CNTN1: variants seen among roughly 807,000 people sequenced by gnomAD.
CNTN1 encodes contactin-1.
In CNTN1, 38 loss-of-function variants were observed where a neutral mutation model predicts 126.4. That is an observed-to-expected ratio of 0.30 (90% CI 0.23 to 0.39). The LOEUF (loss-of-function observed/expected upper bound fraction) is 0.39, where lower values mean the gene tolerates loss of function less well. CNTN1 is among the 10% of genes least tolerant of loss of function. CNTN1 has a pLI of 1.00. For synonymous variants in CNTN1, 413 were observed against 422.6 expected, an observed-to-expected ratio of 0.98 and a Z score of 0.28; for missense variants, 1,009 against 1,248.4, an observed-to-expected ratio of 0.81 and a Z score of 2.89.
At chr12:40,851,481 G>A (rs1223357945) in intron 1 of CNTN1, among the ~76,000 whole-genome samples, 2 of 152,212 alleles carry the variant, frequency 1.3e-5, no homozygotes, top group Non-Finnish European at 2.9e-5. Context: ...TTGAGACTCT[G>A]CTGGGACATC....
chr12:40,741,155 T>A (rs572901105), intron 1 of CNTN1, among the ~76,000 whole-genome samples: 1 of 152,214 alleles, frequency 6.6e-6, no homozygotes, highest in East Asian at 1.9e-4. Context: ...ATTGCATACA[T>A]GCCCAAACAA....
chr12:40,987,860 T>A (rs563585297), intron 16 of CNTN1, among the ~76,000 whole-genome samples: 13 of 152,126 alleles, frequency 8.5e-5, no homozygotes, highest in Non-Finnish European at 1.5e-4. Flanking sequence ...GTATCTCTTC[T>A]GCCATATCTT....
chr12:40,891,802 T>C (rs561169140), intron 1 of CNTN1, among the ~76,000 whole-genome samples: 2 of 152,238 alleles, frequency 1.3e-5, no homozygotes, highest in African/African-American at 4.8e-5. Context: ...ATAGTCTTTA[T>C]GGCTTTAAGT....
At chr12:40,860,550 C>T (rs1943080222) in intron 1 of CNTN1, among the ~76,000 whole-genome samples, 1 of 152,074 alleles carries the variant, frequency 6.6e-6, no homozygotes, top group South Asian at 2.1e-4. Flanking sequence ...CGACATCTTA[C>T]ACAGGTTTAA....
intron 1 of CNTN1, among the ~76,000 whole-genome samples, chr12:40,812,943 ATTT>A (rs36133223): frequency 0.01 from 1,364 of 131,676 alleles, 20 homozygotes; most frequent in African/African-American, 0.036. Flanking sequence ...CAGTTTGTTA[ATTT>A]TTTTTTTTTT....
At chr12:41,055,589 C>A (rs1949786072) in intron 23 of CNTN1, among the ~76,000 whole-genome samples, 1 of 152,006 alleles carries the variant, frequency 6.6e-6, no homozygotes, top group Admixed American at 6.6e-5. Context: ...ATTTCTGCAC[C>A]CAGTACTGAC....
At chr12:40,803,053 T>C (rs1467051016) in intron 1 of CNTN1, among the ~76,000 whole-genome samples, 2 of 152,028 alleles carry the variant, frequency 1.3e-5, no homozygotes, top group African/African-American at 2.4e-5. Flanking sequence ...TTGAAAGCTC[T>C]GCTGTTATCT....
intron 1 of CNTN1, among the ~76,000 whole-genome samples, chr12:40,888,805 G>A (rs1169999757): frequency 1.3e-5 from 2 of 152,196 alleles, no homozygotes. Context: ...TAACAAGCTG[G>A]GTGGCTTTCC....
chr12:41,061,162 C>G (rs964811209), intron 23 of CNTN1, among the ~76,000 whole-genome samples: 1 of 152,136 alleles, frequency 6.6e-6, no homozygotes, highest in Non-Finnish European at 1.5e-5. Flanking sequence ...TTTTAAAAGT[C>G]CTCATAATTA....
At chr12:40,840,611 A>AT (rs1942239080) in intron 1 of CNTN1, among the ~76,000 whole-genome samples, 1 of 147,178 alleles carries the variant, frequency 6.8e-6, no homozygotes. Flanking sequence ...AAGTCTCATC[A>AT]ATTTTTTTTA....
chr12:40,747,988 T>A (rs1320546173), intron 1 of CNTN1, among the ~76,000 whole-genome samples: 1 of 152,102 alleles, frequency 6.6e-6, no homozygotes, highest in Non-Finnish European at 1.5e-5. Context: ...ACCCACATTG[T>A]GGAGGGCATA....
At chr12:40,714,620 G>A (rs926592191) in intron 1 of CNTN1, among the ~76,000 whole-genome samples, 1 of 152,056 alleles carries the variant, frequency 6.6e-6, no homozygotes, top group Admixed American at 6.6e-5. Context: ...TGATTACCTT[G>A]TAAGATGTCA....
intron 12 of CNTN1, among the ~76,000 whole-genome samples, chr12:40,942,216 C>T (rs1471527304): frequency 6.6e-6 from 1 of 151,988 alleles, no homozygotes. Flanking sequence ...AATATTGGTA[C>T]TGTGTTAATA....
At position 41,021,635 on chromosome 12, in the gene CNTN1, C is replaced by CTT. The variant is rs34166721; in HGVS notation, c.2523+1211_2523+1212dup. ...CAGACACACCCAGACCAACAGGAAG[C>CTT]TTTTTTTTTTTTTTTTTGACACAAT... On this transcript the variant is annotated intron_variant, in intron 20 of 23. Transcript: ENST00000551295. Among the ~76,000 whole-genome samples the CTT allele has an allele frequency of 2.2e-3, 293 of 132,580 alleles. 4 individuals carry two copies. Among genetic ancestry groups the CTT allele is most frequent in the Admixed American group, 7.7e-3 (100 of 13,020 alleles). The allele number at this position is 132,580 out of a possible 152,430, so 87.0% of individuals were successfully genotyped here.
At chr12:40,769,937 C>A (rs777972878) in intron 1 of CNTN1, among the ~76,000 whole-genome samples, 3 of 151,926 alleles carry the variant, frequency 2.0e-5, no homozygotes, top group Non-Finnish European at 2.9e-5. Flanking sequence ...AAACGGGAAA[C>A]ATATGTAGAG....
At chr12:40,737,328 T>C (rs1408943721) in intron 1 of CNTN1, among the ~76,000 whole-genome samples, 1 of 124,016 alleles carries the variant, frequency 8.1e-6, no homozygotes, top group Non-Finnish European at 1.6e-5. Context: ...TACATGGGAG[T>C]GTGTGTGTGT....
chr12:40,965,800 A>T (rs191193099), intron 15 of CNTN1, among the ~76,000 whole-genome samples: 24 of 152,310 alleles, frequency 1.6e-4, no homozygotes, highest in African/African-American at 5.5e-4. Flanking sequence ...GAATCCTTAC[A>T]TTCAACATAT....
intron 19 of CNTN1, among the ~76,000 whole-genome samples, chr12:41,017,461 A>G (rs1464771454): frequency 6.6e-6 from 1 of 151,570 alleles, no homozygotes; most frequent in Non-Finnish European, 1.5e-5. Flanking sequence ...CTAACCTAAA[A>G]ATGTGTTTAA....
rs182140801 is a variant in CNTN1 at position 40,977,047 on chromosome 12, G to C, written c.1805-3862G>C. ...GAGGTCCTGACGACCTGTTCCCGAG[G>C]TTGCTGGGATACAGCTTGGTTTTAT... On this transcript the variant is annotated intron_variant, in intron 15 of 23. Transcript: ENST00000551295. Among the ~76,000 whole-genome samples the C allele has an allele frequency of 1.4e-3, 216 of 152,252 alleles. 2 individuals are homozygous for C. The highest frequency in any genetic ancestry group is 4.9e-3 in the African/African-American group (205 of 41,544).
Sources: gnomAD v4.1 joint callset for allele counts (sites outside exome capture counted in the v4.1 genomes callset) on GRCh38, gnomAD v4.1.1 for gene constraint, MANE v1.5 for transcripts, NCBI Gene and HGNC (gene_info 2026-07-23, HGNC 2026-07-21) for gene names.